Variants in TAFA2 observed in about 807,000 individuals in gnomAD.
The protein encoded by TAFA2 is TAFA chemokine like family member 2.
Under a neutral mutation model 18.8 loss-of-function variants are expected in TAFA2, and 7 were observed. That is an observed-to-expected ratio of 0.37 (90% CI 0.21 to 0.70). The LOEUF is 0.70. TAFA2 is among the 30% of genes least tolerant of loss of function. The pLI is 0.53. For synonymous variants in TAFA2, 60 were observed against 54.2 expected (o/e 1.11, Z -0.47); for missense variants, 122 against 158.1 (o/e 0.77, Z 1.23).
chr12:61,825,335 T>C (rs1012989748), intron 2 of TAFA2, among the ~76,000 whole-genome samples: 12 of 152,022 alleles, frequency 7.9e-5, no homozygotes, highest in African/African-American at 2.9e-4. Flanking sequence ...AGAAACGACT[T>C]TGAAGTTTAA....
chr12:61,890,413 C>T (rs1040560453), intron 1 of TAFA2: 1 of 152,236 alleles, frequency 6.6e-6, no homozygotes, highest in African/African-American at 2.4e-5. Context: ...CATTCTGACT[C>T]TGAAATGCAG....
At chr12:61,742,882 T>A (rs1205360060) in intron 4 of TAFA2, among the ~76,000 whole-genome samples, 1 of 152,022 alleles carries the variant, frequency 6.6e-6, no homozygotes, top group African/African-American at 2.4e-5. Context: ...ATCACCTCCC[T>A]ACCTTACTTC....
At chr12:62,245,598 A>G (rs1005493087) in intron 1 of TAFA2, among the ~76,000 whole-genome samples, 1 of 148,308 alleles carries the variant, frequency 6.7e-6, no homozygotes, top group East Asian at 2.0e-4. Context: ...ACATTTTTCT[A>G]TGTAATACAT....
intron 1 of TAFA2, among the ~76,000 whole-genome samples, chr12:61,905,997 C>T (rs1374055078): frequency 6.6e-6 from 1 of 152,168 alleles, no homozygotes; most frequent in East Asian, 1.9e-4. Context: ...ACTTTAATCT[C>T]TCTTTTAACA....
chr12:62,135,497 G>A (rs2136900278), intron 1 of TAFA2, among the ~76,000 whole-genome samples: 1 of 152,194 alleles, frequency 6.6e-6, no homozygotes, highest in Non-Finnish European at 1.5e-5. Context: ...AGGGCCAGCA[G>A]AGTGTTACTA....
At chr12:61,994,623 C>T (rs1880121734) in intron 1 of TAFA2, among the ~76,000 whole-genome samples, 1 of 152,042 alleles carries the variant, frequency 6.6e-6, no homozygotes, top group East Asian at 1.9e-4. Flanking sequence ...TCATTTTTCC[C>T]TCAAAATTGT....
intron 1 of TAFA2, among the ~76,000 whole-genome samples, chr12:62,039,702 G>A (rs1009015395): frequency 2.6e-5 from 4 of 152,104 alleles, no homozygotes; most frequent in Admixed American, 1.3e-4. Flanking sequence ...TCTAACTGTT[G>A]CATGAACAAT....
chr12:62,018,819 C>A (rs1464088795), intron 1 of TAFA2, among the ~76,000 whole-genome samples: 2 of 152,136 alleles, frequency 1.3e-5, no homozygotes, highest in African/African-American at 4.8e-5. Context: ...CCAAAATTGA[C>A]AAATGGGATC....
intron 1 of TAFA2, among the ~76,000 whole-genome samples, chr12:61,966,601 C>T (rs534772172): frequency 2.9e-4 from 44 of 151,934 alleles, no homozygotes; most frequent in Non-Finnish European, 4.9e-4. Flanking sequence ...GTATGAGGTG[C>T]CATTAATCAT....
intron 1 of TAFA2, among the ~76,000 whole-genome samples, chr12:61,956,323 C>T (rs996575404): frequency 2.0e-5 from 3 of 151,968 alleles, no homozygotes; most frequent in African/African-American, 7.2e-5. Flanking sequence ...AAGAATTTCA[C>T]TGATAAAGTA....
At chr12:61,827,555 G>A (rs546642480) in intron 2 of TAFA2, among the ~76,000 whole-genome samples, 3 of 152,096 alleles carry the variant, frequency 2.0e-5, no homozygotes, top group South Asian at 2.1e-4. Flanking sequence ...GGCGTTCCCT[G>A]ATGTGTATTT....
chr12:61,735,792 G>A (rs908566242), intron 4 of TAFA2, among the ~76,000 whole-genome samples: 1 of 151,528 alleles, frequency 6.6e-6, no homozygotes, highest in Admixed American at 6.6e-5. Context: ...TTTTGTTTTT[G>A]TTTACATTGC....
At chr12:61,995,485 T>G (rs1025559815) in intron 1 of TAFA2, among the ~76,000 whole-genome samples, 6 of 152,170 alleles carry the variant, frequency 3.9e-5, no homozygotes, top group African/African-American at 9.7e-5. Flanking sequence ...TTGTTTTGGG[T>G]TTTTATTTTT....
rs545288446 is a variant in TAFA2, at chr12:62,030,467, T to C, written c.-2+160792A>G. Among the ~76,000 whole-genome samples the C allele has an allele frequency of 5.9e-5, 9 of 151,902 alleles. No individual in the cohort carries two copies. In the South Asian group the frequency reaches 1.7e-3, roughly 28 times the overall value. On this transcript the variant is annotated intron_variant, in intron 1 of 4. Coordinates refer to ENST00000416284, the MANE Select transcript of TAFA2 (RefSeq NM_178539.5). ...GGGTAGGCAAAAGAAACAAAAGTAG[T>C]GTAAGGGAGTTTAAGAGAAAGGCAA...
chr12:61,851,774 C>CAAAAAAAAAAA (rs55651727), intron 2 of TAFA2, among the ~76,000 whole-genome samples: 6 of 14,500 alleles, frequency 4.1e-4, no homozygotes, highest in Admixed American at 1.4e-3. Context: ...GACTCCATCT[C>CAAAAAAAAAAA]AAAAAAAAAA....
At chr12:61,950,105 T>C (rs1175136467) in intron 1 of TAFA2, among the ~76,000 whole-genome samples, 1 of 152,158 alleles carries the variant, frequency 6.6e-6, no homozygotes, top group East Asian at 1.9e-4. Flanking sequence ...AAGTACTTCC[T>C]TTTTAAGGCT....
At chr12:62,220,209 A>G (rs2062754834) in intron 1 of TAFA2, among the ~76,000 whole-genome samples, 1 of 152,176 alleles carries the variant, frequency 6.6e-6, no homozygotes, top group Admixed American at 6.5e-5. Flanking sequence ...AAATCATTTT[A>G]AAAACTAATC....
chr12:61,973,452 T>C (rs1478508420), intron 1 of TAFA2, among the ~76,000 whole-genome samples: 1 of 150,346 alleles, frequency 6.7e-6, no homozygotes, highest in East Asian at 2.0e-4. Context: ...GTTCTTATAA[T>C]AATTCTTTAG....
chr12:62,080,917 A>G (rs973817739), intron 1 of TAFA2, among the ~76,000 whole-genome samples: 31 of 152,274 alleles, frequency 2.0e-4, no homozygotes, highest in Non-Finnish European at 2.9e-4. Context: ...TCCCCTGGCC[A>G]GGCGCGGTGG....
Sources: gnomAD v4.1 joint callset for allele counts (sites outside exome capture counted in the v4.1 genomes callset) on GRCh38, gnomAD v4.1.1 for gene constraint, MANE v1.5 for transcripts, NCBI Gene and HGNC (gene_info 2026-07-23, HGNC 2026-07-21) for gene names.